The following TARP variants were observed in gnomAD, a reference collection of about 807,000 sequenced individuals.
chr7:38,272,136 A>G, the TARP span, among the ~76,000 whole-genome samples: 1 of 151,246 alleles, frequency 6.6e-6, no homozygotes, highest in East Asian at 1.9e-4. Flanking sequence ...CATAGAAAGC[A>G]TTTTACAAAT....
chr7:38,267,053 T>G, the TARP span, among the ~76,000 whole-genome samples: 1 of 151,804 alleles, frequency 6.6e-6, no homozygotes. Context: ...TATACTGGGT[T>G]TTATATAAAT....
At chr7:38,267,172 G>A in the TARP span, among the ~76,000 whole-genome samples, 1 of 151,490 alleles carries the variant, frequency 6.6e-6, no homozygotes, top group Admixed American at 6.6e-5. Context: ...CTGTTTTAAA[G>A]CTCCATTATT....
chr7:38,271,429 T>C, the TARP span, among the ~76,000 whole-genome samples: 4 of 151,528 alleles, frequency 2.6e-5, no homozygotes, highest in African/African-American at 7.3e-5. Flanking sequence ...TTTGTGTAAC[T>C]TCTCATATTA....
At chr7:38,264,884 G>T in the TARP span, among the ~76,000 whole-genome samples, 1 of 151,540 alleles carries the variant, frequency 6.6e-6, no homozygotes, top group Non-Finnish European at 1.5e-5. Flanking sequence ...CAATGAACCC[G>T]TTGTTTTTAG....
the TARP span, among the ~76,000 whole-genome samples, chr7:38,263,267 C>T: frequency 4.0e-5 from 6 of 151,718 alleles, no homozygotes; most frequent in African/African-American, 1.5e-4. Context: ...TATGTATGGC[C>T]CCATGTTCTG....
the TARP span, among the ~76,000 whole-genome samples, chr7:38,264,694 T>C: frequency 6.6e-6 from 1 of 151,850 alleles, no homozygotes; most frequent in African/African-American, 2.4e-5. Flanking sequence ...TGGAACTTAC[T>C]ATACTTTTTA....
the TARP span, chr7:38,265,651 G>A: frequency 2.5e-6 from 4 of 1,605,664 alleles, no homozygotes; most frequent in Non-Finnish European, 3.4e-6. Context: ...AGTGGGCTTG[G>A]GGGAAACATC....
the TARP span, among the ~76,000 whole-genome samples, chr7:38,269,869 G>A: frequency 2.0e-5 from 3 of 152,036 alleles, no homozygotes; most frequent in South Asian, 2.1e-4. Flanking sequence ...GGAGGCTGAG[G>A]TGGGAGGATT....
At chr7:38,268,554 A>G in the TARP span, among the ~76,000 whole-genome samples, 1 of 151,266 alleles carries the variant, frequency 6.6e-6, no homozygotes. Flanking sequence ...TTCCTGAGAC[A>G]TATGAACAGA....
chr7:38,267,816 T>G, the TARP span, among the ~76,000 whole-genome samples: 1 of 151,528 alleles, frequency 6.6e-6, no homozygotes, highest in African/African-American at 2.4e-5. Context: ...AATCTAATTT[T>G]CATCCTAAGA....
chr7:38,271,462 G>A, the TARP span, among the ~76,000 whole-genome samples: 16 of 150,884 alleles, frequency 1.1e-4, no homozygotes, highest in African/African-American at 3.4e-4. Context: ...CTAATACTCT[G>A]CTTTGATCCA....
At chr7:38,262,026 A>G in the TARP span, 1 of 721,046 alleles carries the variant, frequency 1.4e-6, no homozygotes, top group East Asian at 2.5e-5. Context: ...TGTTAATACA[A>G]CTCCTAGAAA....
the TARP span, among the ~76,000 whole-genome samples, chr7:38,272,110 C>T: frequency 6.6e-6 from 1 of 150,950 alleles, no homozygotes; most frequent in Non-Finnish European, 1.5e-5. Flanking sequence ...GAAGCAGGTA[C>T]AATTAGTCTT....
chr7:38,268,289 G>A, the TARP span, among the ~76,000 whole-genome samples: 1 of 150,790 alleles, frequency 6.6e-6, no homozygotes, highest in Non-Finnish European at 1.5e-5. Context: ...GAGTTAAATT[G>A]CCTAAGTTGT....
chr7:38,265,025 G>A, the TARP span, among the ~76,000 whole-genome samples: 16 of 151,032 alleles, frequency 1.1e-4, no homozygotes, highest in East Asian at 5.8e-4. Context: ...CTTTTTGAGC[G>A]TTTACCACGT....
At chr7:38,262,866 G>C in the TARP span, among the ~76,000 whole-genome samples, 16 of 150,996 alleles carry the variant, frequency 1.1e-4, no homozygotes, top group African/African-American at 2.9e-4. Context: ...GCCATGTTGC[G>C]CAGGCTGGTT....
chr7:38,261,764 C>T, the TARP span, among the ~76,000 whole-genome samples: 4 of 148,394 alleles, frequency 2.7e-5, no homozygotes, highest in Non-Finnish European at 4.4e-5. Context: ...CCCAGCTACT[C>T]GAGAAGCTGA....
At chr7:38,262,157 A>G in the TARP span, 3 of 1,609,364 alleles carry the variant, frequency 1.9e-6, no homozygotes, top group Non-Finnish European at 1.7e-6. Flanking sequence ...GAAGGGAAAA[A>G]CACAAAAGCT....
At chr7:38,262,335 C>T in the TARP span, 3 of 753,354 alleles carry the variant, frequency 4.0e-6, no homozygotes, top group Non-Finnish European at 6.8e-6. Flanking sequence ...AATATGAGCC[C>T]ACAATTCCAG....
Sources: allele counts gnomAD v4.1 joint callset (sites outside exome capture counted in the v4.1 genomes callset), GRCh38; gene constraint gnomAD v4.1.1; transcripts MANE v1.5.